Variants in ZNF385B observed in about 807,000 individuals in gnomAD.
ZNF385B encodes zinc finger protein 385B.
ZNF385B carries 23 observed loss-of-function variants against 39.2 expected under a neutral mutation model. The observed-to-expected ratio is 0.59, with a 90% CI of 0.42 to 0.83. The LOEUF (loss-of-function observed/expected upper bound fraction) is 0.83, where lower values mean the gene tolerates loss of function less well. ZNF385B is among the 40% of genes least tolerant of loss of function. The pLI is 0.00. For synonymous variants in ZNF385B, 205 were observed against 222.6 expected (o/e 0.92, Z 0.70); for missense variants, 552 against 598.9 (o/e 0.92, Z 0.82).
intron 1 of ZNF385B, among the ~76,000 whole-genome samples, chr2:179,779,140 A>C (rs922296551): frequency 2.0e-5 from 3 of 152,200 alleles, no homozygotes; most frequent in African/African-American, 7.2e-5. Context: ...AGCTATAACC[A>C]GTATTCTAAA....
At chr2:179,734,915 A>T (rs1414212668) in intron 3 of ZNF385B, among the ~76,000 whole-genome samples, 1 of 152,150 alleles carries the variant, frequency 6.6e-6, no homozygotes, top group East Asian at 1.9e-4. Flanking sequence ...TCAGACCTAA[A>T]ACCATAAAAA....
chr2:179,671,694 C>T (rs186330527), intron 3 of ZNF385B, among the ~76,000 whole-genome samples: 87 of 152,314 alleles, frequency 5.7e-4, no homozygotes, highest in Non-Finnish European at 1.0e-3. Flanking sequence ...GCCCTGTTCC[C>T]CCAGCCCCTC....
At chr2:179,471,264 C>T (rs1360820982) in intron 6 of ZNF385B, among the ~76,000 whole-genome samples, 1 of 152,080 alleles carries the variant, frequency 6.6e-6, no homozygotes, top group Non-Finnish European at 1.5e-5. Context: ...CCTATCCTAC[C>T]TTTGCCCCAT....
intron 3 of ZNF385B, among the ~76,000 whole-genome samples, chr2:179,545,338 G>C (rs2060165362): frequency 1.3e-5 from 2 of 152,212 alleles, no homozygotes; most frequent in African/African-American, 4.8e-5. Context: ...CTTGAAGCCA[G>C]ACACTCTTTG....
chr2:179,730,588 C>G (rs1248352037), intron 3 of ZNF385B, among the ~76,000 whole-genome samples: 1 of 152,122 alleles, frequency 6.6e-6, no homozygotes, highest in African/African-American at 2.4e-5. Context: ...TGAGAAAATG[C>G]TTCAAAGCCA....
chr2:179,714,942 C>CAA lies in ZNF385B; in HGVS notation c.298+54559_298+54560dup, dbSNP rs34449760. 6.8e-3 allele frequency among the ~76,000 whole-genome samples: 538 copies of CAA among 79,238 alleles called. 54 individuals are homozygous for CAA. Among genetic ancestry groups the CAA allele is most frequent in the African/African-American group, 0.015 (301 of 19,802 alleles). 52.0% of individuals were successfully genotyped at this position (79,238 alleles called of 152,430 possible). ...TGGGTAACAAAGCGAGATTCTATCT[C>CAA]AAAAAAAAAAAAAAAAAAACAGTTT... On this transcript the variant is annotated intron_variant, in intron 3 of 9. Coordinates refer to ENST00000410066, the MANE Select transcript of ZNF385B (RefSeq NM_152520.6).
At chr2:179,820,699 CTTT>C (rs1381510138) in intron 1 of ZNF385B, among the ~76,000 whole-genome samples, 3 of 151,914 alleles carry the variant, frequency 2.0e-5, no homozygotes, top group African/African-American at 4.8e-5. Flanking sequence ...AAACTTACTT[CTTT>C]GATTATTTTC....
At chr2:179,595,652 G>T (rs1221166505) in intron 3 of ZNF385B, among the ~76,000 whole-genome samples, 4 of 151,164 alleles carry the variant, frequency 2.6e-5, no homozygotes, top group Non-Finnish European at 5.9e-5. Context: ...CAGAGACAGG[G>T]TCTCACTCTG....
intron 3 of ZNF385B, among the ~76,000 whole-genome samples, chr2:179,628,439 G>T (rs1010424491): frequency 1.3e-5 from 2 of 152,142 alleles, no homozygotes; most frequent in African/African-American, 4.8e-5. Context: ...TTTCCATGGT[G>T]TCATGTGACA....
rs1006244062 is a variant in ZNF385B, at chr2:179,446,818, A to C, written c.716-48T>G. On this transcript the variant is annotated intron_variant, in intron 6 of 9. Coordinates refer to ENST00000410066, the MANE Select transcript of ZNF385B (RefSeq NM_152520.6). ...TTATTGAAGCCTCATATATCATATAAACAAAGATAAATCACCATAGATGAA... is the reference window on the plus strand; with the variant it reads ...TTATTGAAGCCTCATATATCATATACACAAAGATAAATCACCATAGATGAA... 9 of 1,534,752 alleles carry C rather than the reference A, an allele frequency of 5.9e-6. No individual in the cohort carries two copies. In the African/African-American group the frequency reaches 1.1e-4, roughly 19 times the overall value.
intron 3 of ZNF385B, among the ~76,000 whole-genome samples, chr2:179,587,745 C>T (rs1687204992): frequency 6.6e-6 from 1 of 152,176 alleles, no homozygotes; most frequent in Admixed American, 6.5e-5. Context: ...TTAAACATCA[C>T]TCCCAGAAGC....
chr2:179,753,340 G>A (rs560817106), intron 3 of ZNF385B, among the ~76,000 whole-genome samples: 2 of 152,226 alleles, frequency 1.3e-5, no homozygotes, highest in African/African-American at 4.8e-5. Context: ...GGTTACTGTG[G>A]CCTTGTAGTA....
chr2:179,494,405 A>G (rs1485295803), intron 5 of ZNF385B, among the ~76,000 whole-genome samples: 1 of 152,144 alleles, frequency 6.6e-6, no homozygotes, highest in Non-Finnish European at 1.5e-5. Context: ...AAAGTAGAAG[A>G]GGAGGCTCAT....
intron 3 of ZNF385B, among the ~76,000 whole-genome samples, chr2:179,565,632 C>T (rs139443612): frequency 1.8e-3 from 272 of 152,336 alleles, no homozygotes; most frequent in African/African-American, 5.7e-3. Context: ...GTTCACTGCA[C>T]GAAGCACTAG....
intron 5 of ZNF385B, among the ~76,000 whole-genome samples, chr2:179,490,342 T>C (rs550346430): frequency 2.2e-4 from 33 of 151,582 alleles, no homozygotes; most frequent in African/African-American, 7.8e-4. Flanking sequence ...CACACACATA[T>C]ATATGTTCAA....
chr2:179,515,584 A>G (rs1186378854), intron 5 of ZNF385B, among the ~76,000 whole-genome samples: 1 of 152,214 alleles, frequency 6.6e-6, no homozygotes, highest in Non-Finnish European at 1.5e-5. Flanking sequence ...CAATACTGTA[A>G]AATTTACTTG....
chr2:179,736,470 T>C (rs952331929), intron 3 of ZNF385B, among the ~76,000 whole-genome samples: 6 of 152,180 alleles, frequency 3.9e-5, no homozygotes, highest in African/African-American at 1.4e-4. Context: ...GGATTTGCTA[T>C]GTCATGCTAA....
At chr2:179,728,110 A>G (rs1701139558) in intron 3 of ZNF385B, among the ~76,000 whole-genome samples, 1 of 152,252 alleles carries the variant, frequency 6.6e-6, no homozygotes, top group Non-Finnish European at 1.5e-5. Flanking sequence ...ACAAAAATCA[A>G]TGAGAAAGTT....
At chr2:179,796,326 A>C (rs569866363) in intron 1 of ZNF385B, 31 of 152,296 alleles carry the variant, frequency 2.0e-4, no homozygotes, top group African/African-American at 7.5e-4. Context: ...CCCTGGGGCA[A>C]CATCAGTTTT....
Sources: gnomAD v4.1 joint callset for allele counts (sites outside exome capture counted in the v4.1 genomes callset) on GRCh38, gnomAD v4.1.1 for gene constraint, MANE v1.5 for transcripts, NCBI Gene and HGNC (gene_info 2026-07-23, HGNC 2026-07-21) for gene names.